Variants in KCNH1 observed in about 807,000 individuals in gnomAD.
The protein encoded by KCNH1 is voltage-gated delayed rectifier potassium channel KCNH1.
KCNH1 carries 27 observed loss-of-function variants against 69.2 expected under a neutral mutation model. That is an observed-to-expected ratio of 0.39 (90% CI 0.29 to 0.54). KCNH1 has a LOEUF of 0.54. Among genes scored for constraint, KCNH1 ranks in the 20% least tolerant of loss-of-function variants. KCNH1 has a pLI of 0.68. For missense variants in KCNH1, 798 were observed against 1,261.6 expected (o/e 0.63, Z 5.57); for synonymous variants, 456 against 487.7 (o/e 0.93, Z 0.86).
At chr1:211,082,354 A>G (rs1690873460) in intron 5 of KCNH1, among the ~76,000 whole-genome samples, 1 of 152,198 alleles carries the variant, frequency 6.6e-6, no homozygotes, top group Non-Finnish European at 1.5e-5. Flanking sequence ...AAATGCACAC[A>G]CCAAAAAAAT....
At chr1:210,872,744 A>G (rs1436355160) in intron 7 of KCNH1, among the ~76,000 whole-genome samples, 1 of 152,162 alleles carries the variant, frequency 6.6e-6, no homozygotes, top group African/African-American at 2.4e-5. Context: ...AACAGCACTG[A>G]GCAGATGATG....
intron 5 of KCNH1, among the ~76,000 whole-genome samples, chr1:211,049,175 GA>G (rs1315747767): frequency 6.6e-6 from 1 of 152,208 alleles, no homozygotes; most frequent in African/African-American, 2.4e-5. Flanking sequence ...GTTTAGAACA[GA>G]AGAGAGATGT....
intron 9 of KCNH1, among the ~76,000 whole-genome samples, chr1:210,778,128 C>T (rs937431501): frequency 6.6e-6 from 1 of 152,192 alleles, no homozygotes; most frequent in Non-Finnish European, 1.5e-5. Context: ...CCTGCTCAGT[C>T]CAGCCTTCAG....
chr1:210,755,194 C>G (rs768738066), intron 10 of KCNH1, among the ~76,000 whole-genome samples: 1 of 152,118 alleles, frequency 6.6e-6, no homozygotes, highest in Admixed American at 6.5e-5. Flanking sequence ...CTCATGGGCA[C>G]AGAATGCAGC....
At position 210,680,302 on chromosome 1, in the gene KCNH1, T is replaced by A. The variant is rs987734960; in HGVS notation, c.*2979A>T. The A allele has an allele frequency of 6.6e-6, 1 of 152,142 alleles. No individual in the cohort carries two copies. Among genetic ancestry groups the A allele is most frequent in the African/African-American group, 2.4e-5 (1 of 41,426 alleles). The allele number at this position is 152,142 out of a possible 1,614,324, so 9.4% of individuals were successfully genotyped here. A position where few individuals can be genotyped will look rare whatever the true frequency, so the allele number is the denominator to read the frequency against. On this transcript the variant is annotated 3_prime_UTR_variant, in exon 11 of 11. Transcript: ENST00000271751. ...AAATGGAGCTTCAATATGAATGACATTCAAAGTAAAGAATTTAGTAGAAAT... is the reference window on the plus strand; with the variant it reads ...AAATGGAGCTTCAATATGAATGACAATCAAAGTAAAGAATTTAGTAGAAAT...
At chr1:211,040,438 T>G (rs1345230143) in intron 5 of KCNH1, among the ~76,000 whole-genome samples, 1 of 152,154 alleles carries the variant, frequency 6.6e-6, no homozygotes, top group Non-Finnish European at 1.5e-5. Flanking sequence ...GATCTGATGA[T>G]GGGTTTATTA....
intron 7 of KCNH1, among the ~76,000 whole-genome samples, chr1:210,837,794 A>T (rs1685318659): frequency 6.6e-6 from 1 of 152,158 alleles, no homozygotes; most frequent in South Asian, 2.1e-4. Context: ...TAATAACAGT[A>T]CCTATCTGAT....
At chr1:210,774,668 C>T (rs1683826149) in intron 10 of KCNH1, among the ~76,000 whole-genome samples, 1 of 152,102 alleles carries the variant, frequency 6.6e-6, no homozygotes, top group East Asian at 1.9e-4. Context: ...CAAGAAAATC[C>T]GTCATGAAAA....
chr1:210,732,032 T>C (rs1359785788), intron 10 of KCNH1, among the ~76,000 whole-genome samples: 1 of 151,974 alleles, frequency 6.6e-6, no homozygotes, highest in Admixed American at 6.6e-5. Context: ...CCCCTGAGCA[T>C]CTCAGAAAGT....
rs1326917295 is a variant in KCNH1, at chr1:210,919,115, C to T, written c.1462+525G>A. On this transcript the variant is annotated intron_variant, in intron 7 of 10. Transcript: ENST00000271751. This position sits in a 1 kb window ranked among gnomAD's most constrained non-coding sequence, Gnocchi z 4.2. ...GAGAGCAGATTTCAAGTGCTTTCAC[C>T]AAAAAAAAGGTAATGATGTAAAGGA... 1 of 152,188 alleles carries T rather than the reference C, an allele frequency of 6.6e-6. No homozygotes were observed. The highest frequency in any genetic ancestry group is 2.4e-5 in the African/African-American group (1 of 41,132). The allele number at this position is 152,188 out of a possible 1,614,324, so 9.4% of individuals were successfully genotyped here.
chr1:210,738,458 A>G (rs1682933743), intron 10 of KCNH1, among the ~76,000 whole-genome samples: 3 of 149,748 alleles, frequency 2.0e-5, no homozygotes, highest in Admixed American at 2.0e-4. Context: ...TGGGTCTATG[A>G]CTCCAGAGGG....
intron 5 of KCNH1, among the ~76,000 whole-genome samples, chr1:211,028,349 C>T (rs1173048904): frequency 1.3e-5 from 2 of 151,570 alleles, no homozygotes; most frequent in Non-Finnish European, 1.5e-5. Context: ...AAATGTTTAC[C>T]TAAGACAAAA....
At chr1:211,096,637 T>C (rs1326163183) in intron 3 of KCNH1, among the ~76,000 whole-genome samples, 2 of 152,050 alleles carry the variant, frequency 1.3e-5, no homozygotes, top group African/African-American at 4.8e-5. Flanking sequence ...AAATGGAGAG[T>C]TGAATTGTTT....
intron 6 of KCNH1, among the ~76,000 whole-genome samples, chr1:210,956,013 C>T (rs944722664): frequency 2.0e-5 from 3 of 152,076 alleles, no homozygotes; most frequent in Admixed American, 6.5e-5. Context: ...AGTTTTTGCC[C>T]ATTCAGTATG....
chr1:210,778,673 G>T (rs1683912480), intron 9 of KCNH1, among the ~76,000 whole-genome samples: 1 of 152,150 alleles, frequency 6.6e-6, no homozygotes, highest in African/African-American at 2.4e-5. Flanking sequence ...CTCTAAGAGG[G>T]GCAGATTTTC....
At chr1:210,859,589 G>A in intron 7 of KCNH1, 2 of 1,522,322 alleles carry the variant, frequency 1.3e-6, no homozygotes, top group Middle Eastern at 1.7e-4. Flanking sequence ...TCACTCCCCA[G>A]TTCCTCGGTT....
chr1:210,984,749 T>C (rs1386862040), intron 6 of KCNH1, among the ~76,000 whole-genome samples: 1 of 151,928 alleles, frequency 6.6e-6, no homozygotes, highest in Non-Finnish European at 1.5e-5. Flanking sequence ...AATTCTCTTT[T>C]TTTGTTGTGT....
At chr1:210,842,022 T>C (rs1017905316) in intron 7 of KCNH1, among the ~76,000 whole-genome samples, 25 of 152,146 alleles carry the variant, frequency 1.6e-4, no homozygotes, top group South Asian at 4.1e-4. Flanking sequence ...TGAATACCCA[T>C]TGAGTGCTCT....
intron 3 of KCNH1, among the ~76,000 whole-genome samples, chr1:211,100,359 C>T (rs191342804): frequency 2.0e-5 from 3 of 152,194 alleles, no homozygotes; most frequent in Non-Finnish European, 4.4e-5. Context: ...CACACACACA[C>T]ATTTTGGGAG....
Sources: gnomAD v4.1 joint callset for allele counts (sites outside exome capture counted in the v4.1 genomes callset) on GRCh38, gnomAD v4.1.1 for gene constraint, Gnocchi (gnomAD v3.1) non-coding constraint, MANE v1.5 for transcripts, NCBI Gene and HGNC (gene_info 2026-07-23, HGNC 2026-07-21) for gene names.